The following EEFSEC variants were observed in gnomAD, a reference collection of about 807,000 sequenced individuals.
EEFSEC encodes the protein selenocysteine-specific elongation factor.
In EEFSEC, 43 loss-of-function variants were observed where a neutral mutation model predicts 42.1. That is an observed-to-expected ratio of 1.02 (90% CI 0.80 to 1.32). The LOEUF (loss-of-function observed/expected upper bound fraction) is 1.32, where lower values mean the gene tolerates loss of function less well. Ranked by LOEUF, EEFSEC falls within the 40% of genes most tolerant of loss-of-function variation. The pLI, the probability that EEFSEC is intolerant of heterozygous loss-of-function variation, is 0.00. For missense variants in EEFSEC, 745 were observed against 803.6 expected (o/e 0.93, Z 0.88); for synonymous variants, 354 against 339.1 (o/e 1.04, Z -0.48).
intron 4 of EEFSEC, among the ~76,000 whole-genome samples, chr3:128,340,206 G>A (rs60179895): frequency 3.1e-3 from 474 of 152,128 alleles, no homozygotes; most frequent in African/African-American, 0.011. Context: ...TCTTTCTGTG[G>A]GTCTTCACAC....
chr3:128,332,701 C>T (rs1016743641), intron 4 of EEFSEC, among the ~76,000 whole-genome samples: 14 of 152,190 alleles, frequency 9.2e-5, no homozygotes, highest in Non-Finnish European at 2.1e-4. Flanking sequence ...CCTCTCGCAG[C>T]CCCAGAGGTG....
intron 6 of EEFSEC, among the ~76,000 whole-genome samples, chr3:128,364,735 T>G (rs1342236089): frequency 6.6e-6 from 1 of 152,222 alleles, no homozygotes; most frequent in African/African-American, 2.4e-5. Flanking sequence ...GCAGCACTGC[T>G]GTGGGGATGC....
chr3:128,401,673 T>C (rs2068049376), intron 6 of EEFSEC, among the ~76,000 whole-genome samples: 1 of 152,104 alleles, frequency 6.6e-6, no homozygotes, highest in Admixed American at 6.5e-5. Flanking sequence ...GAATAGACGC[T>C]TCTGTTGGTG....
intron 4 of EEFSEC, among the ~76,000 whole-genome samples, chr3:128,276,242 T>C (rs1256551085): frequency 2.0e-5 from 3 of 152,032 alleles, no homozygotes; most frequent in Non-Finnish European, 4.4e-5. Context: ...CAGCTGGGGG[T>C]TAGGGCGGGT....
chr3:128,298,183 A>C (rs1228340509), intron 4 of EEFSEC, among the ~76,000 whole-genome samples: 1 of 152,152 alleles, frequency 6.6e-6, no homozygotes. Context: ...TGCTTTTCTG[A>C]GACAGGGTCT....
At chr3:128,278,200 G>A (rs914096678) in intron 4 of EEFSEC, among the ~76,000 whole-genome samples, 3 of 152,176 alleles carry the variant, frequency 2.0e-5, no homozygotes. Flanking sequence ...GACCTTTCTG[G>A]GGACTAGTGG....
chr3:128,329,788 A>G (rs1011410126), intron 4 of EEFSEC, among the ~76,000 whole-genome samples: 10 of 152,264 alleles, frequency 6.6e-5, no homozygotes, highest in African/African-American at 2.4e-4. Context: ...TGGGAGCCAC[A>G]CATAGGAGGG....
chr3:128,351,952 C>T (rs945111119), intron 5 of EEFSEC, among the ~76,000 whole-genome samples: 2 of 152,248 alleles, frequency 1.3e-5, no homozygotes, highest in African/African-American at 2.4e-5. Flanking sequence ...ATCCCACATG[C>T]GTTGCCTTTG....
intron 4 of EEFSEC, among the ~76,000 whole-genome samples, chr3:128,287,279 G>A (rs2066595737): frequency 1.3e-5 from 2 of 152,172 alleles, no homozygotes; most frequent in African/African-American, 4.8e-5. Flanking sequence ...AGAACTCACA[G>A]TGATGCAGCT....
chr3:128,328,041 G>A (rs1423830431), intron 4 of EEFSEC, among the ~76,000 whole-genome samples: 1 of 152,192 alleles, frequency 6.6e-6, no homozygotes, highest in African/African-American at 2.4e-5. Context: ...ACTTACAAGG[G>A]CTCAGGGAGA....
intron 1 of EEFSEC, among the ~76,000 whole-genome samples, chr3:128,155,416 G>T (rs1944361616): frequency 6.6e-6 from 1 of 152,126 alleles, no homozygotes; most frequent in Non-Finnish European, 1.5e-5. Context: ...TGGCTGAAAA[G>T]ACCATTATTA....
chr3:128,163,845 G>C (rs1222462338), intron 1 of EEFSEC, among the ~76,000 whole-genome samples: 1 of 151,610 alleles, frequency 6.6e-6, no homozygotes, highest in African/African-American at 2.4e-5. Context: ...ATGTTGCCCA[G>C]GCTGGTCTTG....
At chr3:128,164,280 C>A (rs1042169903) in intron 1 of EEFSEC, among the ~76,000 whole-genome samples, 5 of 152,168 alleles carry the variant, frequency 3.3e-5, no homozygotes, top group Non-Finnish European at 5.9e-5. Flanking sequence ...GGCTCACAGT[C>A]CCGAGTAGGG....
intron 5 of EEFSEC, among the ~76,000 whole-genome samples, chr3:128,350,949 C>A (rs1259573402): frequency 3.3e-5 from 5 of 152,236 alleles, no homozygotes; most frequent in Admixed American, 6.5e-5. Flanking sequence ...CCTAGGTCCC[C>A]TTCCAGAATT....
chr3:128,212,518 A>G (rs1246152663), intron 1 of EEFSEC, among the ~76,000 whole-genome samples: 1 of 152,186 alleles, frequency 6.6e-6, no homozygotes, highest in African/African-American at 2.4e-5. Context: ...CCTCTCCCTG[A>G]TATTGAGTGC....
chr3:128,326,042 G>C (rs577280226), intron 4 of EEFSEC, among the ~76,000 whole-genome samples: 6 of 152,336 alleles, frequency 3.9e-5, no homozygotes, highest in African/African-American at 1.2e-4. Context: ...TTCCAGAAAG[G>C]CTGGACCAGT....
intron 6 of EEFSEC, 127 bp from the exon 7 acceptor site, chr3:128,407,942 G>C (rs949662747): frequency 2.3e-6 from 2 of 853,484 alleles, no homozygotes; most frequent in African/African-American, 1.7e-5. Flanking sequence ...TGGACCACAG[G>C]CCTCAGGGCT....
intron 1 of EEFSEC, among the ~76,000 whole-genome samples, chr3:128,199,166 G>A (rs1459113323): frequency 2.6e-5 from 4 of 152,040 alleles, no homozygotes; most frequent in Non-Finnish European, 4.4e-5. Flanking sequence ...TGCATTTTTT[G>A]TGCATTTTTA....
intron 1 of EEFSEC, among the ~76,000 whole-genome samples, chr3:128,163,922 T>A (rs2065218041): frequency 6.8e-6 from 1 of 147,244 alleles, no homozygotes; most frequent in African/African-American, 2.6e-5. Context: ...TGGGAACCAG[T>A]ATTGCATTTT....
Sources: allele counts gnomAD v4.1 joint callset (sites outside exome capture counted in the v4.1 genomes callset), GRCh38; gene constraint gnomAD v4.1.1; transcripts MANE v1.5; gene names NCBI Gene and HGNC (gene_info 2026-07-23, HGNC 2026-07-21).